The following LIMCH1 variants were observed in gnomAD, a reference collection of about 807,000 sequenced individuals.
LIMCH1 encodes the protein LIM and calponin homology domains-containing protein 1.
In LIMCH1, 113 loss-of-function variants were observed where a neutral mutation model predicts 176.5. The ratio of observed to expected loss-of-function variants is 0.64; its 90% CI spans 0.55 to 0.75. The LOEUF (loss-of-function observed/expected upper bound fraction) is 0.75. Ranked by LOEUF, LIMCH1 falls within the 30% of genes least tolerant of loss-of-function variation. LIMCH1 has a pLI of 0.00. For synonymous variants in LIMCH1, 619 were observed against 645.9 expected (o/e 0.96, Z 0.63); for missense variants, 1,674 against 1,814.9 (o/e 0.92, Z 1.41).
At chr4:41,634,582 C>T (rs1172625420) in intron 13 of LIMCH1, among the ~76,000 whole-genome samples, 1 of 152,174 alleles carries the variant, frequency 6.6e-6, no homozygotes, top group Non-Finnish European at 1.5e-5. Context: ...CCATCTTGAT[C>T]ACCTGAATTT....
chr4:41,447,318 A>C (rs2063384668), intron 1 of LIMCH1, among the ~76,000 whole-genome samples: 1 of 152,204 alleles, frequency 6.6e-6, no homozygotes, highest in Non-Finnish European at 1.5e-5. Context: ...GTTTTGAGAA[A>C]AGACAAGGAC....
chr4:41,524,470 G>T, exon 3 of LIMCH1: 20 of 1,612,516 alleles, frequency 1.2e-5, no homozygotes, highest in Non-Finnish European at 1.5e-5. Context: ...TACCCCCATT[G>T]CAGGACTGGT....
intron 2 of LIMCH1, among the ~76,000 whole-genome samples, chr4:41,500,252 T>C (rs1256741955): frequency 6.6e-6 from 1 of 152,248 alleles, no homozygotes; most frequent in Admixed American, 6.5e-5. Context: ...TTAGTATCTA[T>C]TGATGATACT....
rs757903776 is a variant in LIMCH1 at position 41,646,725 on chromosome 4, C to G, written c.2652C>G (p.Phe884Leu). Residue 884 changes from phenylalanine to leucine, a missense_variant, in exon 17 of 32, where the codon TTC becomes TTG. By Grantham distance (22) the Phe-to-Leu change is conservative. Around this residue, in one of 3 missense-constraint regions of LIMCH1, gnomAD observed 1,015 missense variants for 1,102.5 expected, o/e 0.92. Coordinates refer to ENST00000503057, the MANE Select transcript of LIMCH1 (RefSeq NM_001330672.2). ...LRQQSLPPPKFTATVETTIAR... is the reference protein window; with the variant it reads ...LRQQSLPPPKLTATVETTIAR... ...AACAGTCACTGCCTCCACCCAAATT[C>G]ACTGCCACTGTTGAAACCACCATTG... 1 of 1,614,232 alleles carries G rather than the reference C, an allele frequency of 6.2e-7. No individual in the cohort carries two copies. Among genetic ancestry groups the G allele is most frequent in the South Asian group, 1.1e-5 (1 of 91,090 alleles).
intron 1 of LIMCH1, among the ~76,000 whole-genome samples, chr4:41,562,088 G>T (rs1053500578): frequency 6.6e-6 from 1 of 152,116 alleles, no homozygotes; most frequent in African/African-American, 2.4e-5. Flanking sequence ...AGTAGCCAAG[G>T]TACCCTTTTT....
intron 20 of LIMCH1, among the ~76,000 whole-genome samples, chr4:41,664,368 C>T (rs1278988881): frequency 6.6e-6 from 1 of 152,206 alleles, no homozygotes; most frequent in Non-Finnish European, 1.5e-5. Flanking sequence ...ACATGATGCA[C>T]TCCCTGGCCT....
chr4:41,560,076 G>A (rs1174833436), intron 1 of LIMCH1, among the ~76,000 whole-genome samples: 1 of 152,078 alleles, frequency 6.6e-6, no homozygotes, highest in East Asian at 1.9e-4. Context: ...AAAGTGTAAT[G>A]AATCAAACAA....
At chr4:41,625,820 G>A (rs1356588169) in intron 7 of LIMCH1, among the ~76,000 whole-genome samples, 6 of 152,046 alleles carry the variant, frequency 3.9e-5, no homozygotes, top group South Asian at 2.1e-4. Flanking sequence ...GCATAAATAC[G>A]AATATTTTAT....
At chr4:41,360,026 G>GGTGTGTGT (rs35179191), upstream of LIMCH1, among the ~76,000 whole-genome samples, 9,307 of 145,754 alleles carry the variant, frequency 0.064, 404 homozygotes, top group African/African-American at 0.11. The surrounding 1 kb of genome is among the most constrained non-coding windows in gnomAD (Gnocchi z 4.5). Context: ...GGGTGTGTAG[G>GGTGTGTGT]GTGTGTGTGT....
upstream of LIMCH1, among the ~76,000 whole-genome samples, chr4:41,533,671 G>T (rs940589107): frequency 2.6e-5 from 4 of 152,150 alleles, no homozygotes; most frequent in African/African-American, 9.7e-5. Context: ...TAGAAGAAAG[G>T]TCAAATGTAA....
chr4:41,469,088 A>G (rs2066570867), intron 1 of LIMCH1, among the ~76,000 whole-genome samples: 1 of 152,218 alleles, frequency 6.6e-6, no homozygotes, highest in African/African-American at 2.4e-5. Context: ...GCCAAGAGTC[A>G]TCTGTGCATC....
chr4:41,399,925 G>A (rs867583303), intron 1 of LIMCH1, among the ~76,000 whole-genome samples: 11 of 145,904 alleles, frequency 7.5e-5, no homozygotes, highest in Non-Finnish European at 1.0e-4. Context: ...CTCGTGATTC[G>A]CCCACCTCAG....
chr4:41,529,560 C>T (rs994102504), intron 3 of LIMCH1, among the ~76,000 whole-genome samples: 8 of 151,994 alleles, frequency 5.3e-5, no homozygotes, highest in African/African-American at 1.9e-4. Context: ...ACATGTGGGT[C>T]CATAAAGGGA....
rs1317602562 is a variant in LIMCH1, at chr4:41,680,008, G to C, written c.3522G>C (p.Glu1174Asp). Residue 1174 changes from glutamate (E) to aspartate (D), a missense_variant and splice_region_variant, in exon 24 of 32, where the codon GAG (glutamate) becomes GAC (aspartate). Coordinates refer to ENST00000503057, the MANE Select transcript of LIMCH1 (RefSeq NM_001330672.2). ...WQQEQERLLQERYQKEQDKLK... is the reference protein window; with the variant it reads ...WQQEQERLLQDRYQKEQDKLK... ...AATCTATGGAAATTCCATAACAGGAGAGATACCAGAAGGAGCAGGACAAGC... is the reference window on the plus strand; with the variant it reads ...AATCTATGGAAATTCCATAACAGGACAGATACCAGAAGGAGCAGGACAAGC... 1.2e-6 allele frequency: 2 copies of C among 1,606,606 alleles called. No homozygotes were observed. The highest frequency in any genetic ancestry group is 1.7e-6 in the Non-Finnish European group (2 of 1,175,834).
At chr4:41,670,787 A>G (rs775434399) in intron 21 of LIMCH1, 7 of 1,535,916 alleles carry the variant, frequency 4.6e-6, no homozygotes, top group Middle Eastern at 1.7e-4. Context: ...TTTTTCTCCC[A>G]GTCAGGTAAA....
At chr4:41,439,547 G>A (rs1457977553) in intron 1 of LIMCH1, among the ~76,000 whole-genome samples, 2 of 151,968 alleles carry the variant, frequency 1.3e-5, no homozygotes, top group Non-Finnish European at 2.9e-5. Flanking sequence ...TTGTGCCATT[G>A]CACTGCAGCC....
chr4:41,635,510 G>C (rs572789644), intron 13 of LIMCH1, among the ~76,000 whole-genome samples: 5 of 152,196 alleles, frequency 3.3e-5, no homozygotes, highest in Admixed American at 6.5e-5. Flanking sequence ...TTACAGGTTT[G>C]AGCCACTGCA....
At chr4:41,536,451 A>G (rs749099324), upstream of LIMCH1, among the ~76,000 whole-genome samples, 2 of 152,208 alleles carry the variant, frequency 1.3e-5, no homozygotes, top group Non-Finnish European at 2.9e-5. Flanking sequence ...CACAGTATAA[A>G]ATACTAGATT....
intron 26 of LIMCH1, among the ~76,000 whole-genome samples, chr4:41,683,715 C>T (rs1226007239): frequency 1.3e-5 from 2 of 152,158 alleles, no homozygotes; most frequent in African/African-American, 2.4e-5. Flanking sequence ...TACAGGTGCT[C>T]AGGGCTATGT....
Sources: gnomAD v4.1 joint callset for allele counts (sites outside exome capture counted in the v4.1 genomes callset) on GRCh38, gnomAD v4.1.1 for gene constraint, gnomAD v4.1.1 regional missense constraint, Gnocchi (gnomAD v3.1) non-coding constraint, MANE v1.5 for transcripts, NCBI Gene and HGNC (gene_info 2026-07-23, HGNC 2026-07-21) for gene names.